Variants in RIPK2 observed in about 807,000 individuals in gnomAD.
RIPK2 encodes receptor-interacting serine/threonine-protein kinase 2.
Under a neutral mutation model 60.9 loss-of-function variants are expected in RIPK2, and 38 were observed. The observed-to-expected ratio is 0.62, with a 90% confidence interval of 0.48 to 0.82. RIPK2 has a LOEUF of 0.82. RIPK2 is among the 40% of genes least tolerant of loss of function. RIPK2 has a pLI of 0.00. For synonymous variants in RIPK2, 225 were observed against 223.4 expected, an observed-to-expected ratio of 1.01 and a Z score of -0.06; for missense variants, 518 against 647.0, an observed-to-expected ratio of 0.80 and a Z score of 2.16.
Position 89,757,932 on chromosome 8 carries a change from G to C in RIPK2, c.-129G>C. 1 of 1,405,588 alleles carries C rather than the reference G, an allele frequency of 7.1e-7. No homozygotes were observed. Among genetic ancestry groups the C allele is most frequent in the Non-Finnish European group, 9.2e-7 (1 of 1,082,838 alleles). The allele number at this position is 1,405,588 out of a possible 1,614,324, so 87.1% of individuals were successfully genotyped here. On this transcript the variant is annotated 5_prime_UTR_variant, in exon 1 of 11. Transcript: ENST00000220751. ...ATGGGCGCCCTCGTGACCTAGTGTT[G>C]CGGGGCAAAAAGGGTCTTGCCGGCC...
chr8:89,769,738 A>G, intron 3 of RIPK2, 34 bp from the exon 4 acceptor site: 3 of 1,467,286 alleles, frequency 2.0e-6, no homozygotes, highest in Non-Finnish European at 2.7e-6. Context: ...TTTAAAGAGG[A>G]AATTTCTTAA....
At chr8:89,769,712 G>A in intron 3 of RIPK2, 60 bp from the exon 4 acceptor site, 1 of 1,214,380 alleles carries the variant, frequency 8.2e-7, no homozygotes. Flanking sequence ...CAAAAAGATA[G>A]TTGACTTTTG....
rs1809591815 is a variant in RIPK2 at position 89,786,628 on chromosome 8, T to C, written c.1065T>C (p.Ser355=). 1 of 1,602,126 alleles carries C rather than the reference T, an allele frequency of 6.2e-7. No individual in the cohort carries two copies. Among genetic ancestry groups the C allele is most frequent in the East Asian group, 2.2e-5 (1 of 44,712 alleles). ...SCGSSQLHEN[S]GSPETSRSLP... ...GATCCTCTCAGCTCCATGAAAATAG[T>C]GGTTCTCCTGAAACTTCAAGGTCCC... The change falls in exon 9 of 11, where the codon AGT becomes AGC. Residue 355 remains serine, a synonymous_variant. Coordinates refer to ENST00000220751, the MANE Select transcript of RIPK2 (RefSeq NM_003821.6).
intron 2 of RIPK2, 109 bp downstream of exon 2, chr8:89,763,091 C>T (rs1809172500): frequency 1.5e-6 from 1 of 672,428 alleles, no homozygotes; most frequent in Admixed American, 3.9e-5. Context: ...ATAGATGAAT[C>T]AAAGAATAAT....
chr8:89,790,692 T>C lies in RIPK2; in HGVS notation c.*276T>C. Reference sequence around the variant, plus strand: ...TCTTGTTTATAACAGTGCCTTAAGGTATGATGTATTTCTGATGGAAGCCAT... The same window carrying C: ...TCTTGTTTATAACAGTGCCTTAAGGCATGATGTATTTCTGATGGAAGCCAT... On this transcript the variant is annotated 3_prime_UTR_variant, in exon 11 of 11. Transcript: ENST00000220751. 1 of 272,758 alleles carries C rather than the reference T, an allele frequency of 3.7e-6. No homozygotes were observed. Among genetic ancestry groups the C allele is most frequent in the Non-Finnish European group, 6.9e-6 (1 of 144,226 alleles). The allele number at this position is 272,758 out of a possible 1,614,324, so 16.9% of individuals were successfully genotyped here. A position where few individuals can be genotyped will look rare whatever the true frequency, so the allele number is the denominator to read the frequency against.
rs1370237291 is a variant in RIPK2, at chr8:89,767,611, T to A, written c.483+2115T>A. Among the ~76,000 whole-genome samples, 5 of 151,688 alleles carry A rather than the reference T, an allele frequency of 3.3e-5. No individual in the cohort carries two copies. In the East Asian group the frequency reaches 9.6e-4, roughly 29 times the overall value. On this transcript the variant is annotated intron_variant, in intron 3 of 10. Coordinates refer to ENST00000220751, the MANE Select transcript of RIPK2 (RefSeq NM_003821.6). Reference sequence around the variant, plus strand: ...AATGGTCAACTAGTTCTCTGATACTTCACTGCAACAATCCCTGTCTCCCAA... The same window carrying A: ...AATGGTCAACTAGTTCTCTGATACTACACTGCAACAATCCCTGTCTCCCAA...
At chr8:89,770,966 C>T (rs999508064) in intron 4 of RIPK2, among the ~76,000 whole-genome samples, 3 of 151,734 alleles carry the variant, frequency 2.0e-5, no homozygotes, top group South Asian at 2.1e-4. Flanking sequence ...GTATTTATAG[C>T]TTCCTAAGGT....
chr8:89,758,282 C>G (rs983399376), intron 1 of RIPK2, 49 bp downstream of exon 1: 5 of 1,508,498 alleles, frequency 3.3e-6, no homozygotes, highest in Admixed American at 4.0e-5. Flanking sequence ...TCCTGCATCC[C>G]CTCAAGCCCC....
At chr8:89,784,164 AG>A (rs775552736) in intron 8 of RIPK2, 25 bp downstream of exon 8, 9 of 1,096,664 alleles carry the variant, frequency 8.2e-6, no homozygotes, top group East Asian at 2.6e-5. Context: ...AAAAAAAAAA[AG>A]GTTATATTAA....
At position 89,757,938 on chromosome 8, in the gene RIPK2, CA is replaced by C; in HGVS notation, c.-118del. On this transcript the variant is annotated 5_prime_UTR_variant, in exon 1 of 11. Coordinates refer to ENST00000220751, the MANE Select transcript of RIPK2 (RefSeq NM_003821.6). ...GCCCTCGTGACCTAGTGTTGCGGGG[CA>C]AAAAGGGTCTTGCCGGCCTCGCTCG... 1.4e-6 allele frequency: 2 copies of C among 1,408,514 alleles called. No individual in the cohort carries two copies. The highest frequency in any genetic ancestry group is 1.8e-6 in the Non-Finnish European group (2 of 1,084,296). The allele number at this position is 1,408,514 out of a possible 1,614,324, so 87.3% of individuals were successfully genotyped here. A position where few individuals can be genotyped will look rare whatever the true frequency, so the allele number is the denominator to read the frequency against.
At position 89,790,588 on chromosome 8, in the gene RIPK2, A is replaced by G. The variant is rs1809661631; in HGVS notation, c.*172A>G. 5.9e-6 allele frequency: 3 copies of G among 510,614 alleles called. No individual in the cohort carries two copies. The highest frequency in any genetic ancestry group is 7.3e-5 in the Admixed American group (2 of 27,494). The allele number at this position is 510,614 out of a possible 1,614,324, so 31.6% of individuals were successfully genotyped here. On this transcript the variant is annotated 3_prime_UTR_variant, in exon 11 of 11. Coordinates refer to ENST00000220751, the MANE Select transcript of RIPK2 (RefSeq NM_003821.6). Reference sequence around the variant, plus strand: ...TATTTTTTTTAATTAATACAAGTAAAAAGTTTGAATTTTGCTACATAGTTC... The same window carrying G: ...TATTTTTTTTAATTAATACAAGTAAGAAGTTTGAATTTTGCTACATAGTTC...
At chr8:89,759,646 G>T (rs982956106) in intron 1 of RIPK2, among the ~76,000 whole-genome samples, 1 of 152,212 alleles carries the variant, frequency 6.6e-6, no homozygotes, top group Non-Finnish European at 1.5e-5. Context: ...TACAAGGTGT[G>T]GTGTCTGTTT....
At chr8:89,775,566 T>G (rs774321498) in intron 6 of RIPK2, among the ~76,000 whole-genome samples, 20 of 152,104 alleles carry the variant, frequency 1.3e-4, no homozygotes, top group Non-Finnish European at 2.9e-4. Context: ...GTGCAAGAAC[T>G]GAGAGAGAGT....
intron 5 of RIPK2, 83 bp from the exon 6 acceptor site, chr8:89,772,584 T>C (rs1429767266): frequency 6.9e-6 from 7 of 1,009,722 alleles, no homozygotes; most frequent in Non-Finnish European, 2.9e-6. Context: ...TATTCACTTA[T>C]TTTCTTTTAG....
At chr8:89,765,635 A>G (rs1809215139) in intron 3 of RIPK2, 139 bp downstream of exon 3, 1 of 499,570 alleles carries the variant, frequency 2.0e-6, no homozygotes, top group Admixed American at 3.8e-5. Context: ...CATAGCCCCT[A>G]ATTTCTATCT....
intron 2 of RIPK2, among the ~76,000 whole-genome samples, chr8:89,764,329 AC>A (rs1193533530): frequency 1.3e-5 from 2 of 152,108 alleles, no homozygotes; most frequent in African/African-American, 2.4e-5. Context: ...CCCCAACCTC[AC>A]AAAATTCATT....
rs1315232416 is a variant in RIPK2 at position 89,772,723 on chromosome 8, A to G, written c.748A>G (p.Ile250Val). The G allele has an allele frequency of 5.0e-6, 8 of 1,612,000 alleles. No individual in the cohort carries two copies. Among genetic ancestry groups the G allele is most frequent in the African/African-American group, 1.3e-5 (1 of 74,918 alleles). ...YSVSQGHRPV[I>V]NEESLPYDIP... is the part of the protein sequence containing the mutation. The stretch of plus-strand genomic sequence containing the variant: ...TGTGTCACAAGGACATCGACCTGTT[A>G]TTAATGAAGAAAGTTTGCCATATGA... The change falls in exon 6 of 11, where the codon ATT (isoleucine) becomes GTT (valine). Residue 250 changes from isoleucine to valine, a missense_variant. Transcript: ENST00000220751.
chr8:89,786,688 T>G lies in RIPK2; in HGVS notation c.1123+2T>G. The G allele has an allele frequency of 6.7e-7, 1 of 1,484,282 alleles. No individual in the cohort carries two copies. Among genetic ancestry groups the G allele is most frequent in the Non-Finnish European group, 9.3e-7 (1 of 1,080,870 alleles). The allele number at this position is 1,484,282 out of a possible 1,614,324, so 91.9% of individuals were successfully genotyped here. On this transcript the variant is annotated splice_donor_variant, in intron 9 of 10. Transcript: ENST00000220751. LOFTEE classifies it high-confidence loss of function. ...CTCAAGACAATGATTTTTTATCTAG[T>G]ATGTAGATTTTCCAATCATTATTTA...
At chr8:89,764,009 A>G (rs1008910920) in intron 2 of RIPK2, among the ~76,000 whole-genome samples, 2 of 152,126 alleles carry the variant, frequency 1.3e-5, no homozygotes, top group African/African-American at 4.8e-5. Context: ...TGGAAATTCT[A>G]CAGCCTCCTC....
Sources: allele counts gnomAD v4.1 joint callset (sites outside exome capture counted in the v4.1 genomes callset), GRCh38; gene constraint gnomAD v4.1.1; transcripts MANE v1.5; gene names NCBI Gene and HGNC (gene_info 2026-07-23, HGNC 2026-07-21).